The following DPYD variants were observed in gnomAD, a reference collection of about 807,000 sequenced individuals.
The protein encoded by DPYD is dihydropyrimidine dehydrogenase [NADP(+)].
DPYD carries 109 observed loss-of-function variants against 116.2 expected under a neutral mutation model. That is an observed-to-expected ratio of 0.94 (90% CI 0.80 to 1.10). The LOEUF is 1.10. Ranked by LOEUF, DPYD falls within the 50% of genes least tolerant of loss-of-function variation. The probability of loss-of-function intolerance (pLI) is 0.00; values close to 1 mark genes in which losing one functional copy is unlikely to be tolerated. For synonymous variants in DPYD, 440 were observed against 432.0 expected (o/e 1.02, Z -0.23); for missense variants, 1,302 against 1,254.5 (o/e 1.04, Z -0.57).
chr1:97,354,678 T>A (rs1227470942), intron 16 of DPYD, among the ~76,000 whole-genome samples: 3 of 152,132 alleles, frequency 2.0e-5, no homozygotes, highest in Non-Finnish European at 4.4e-5. Flanking sequence ...AGTTCTCAAT[T>A]TAAAAAAATC....
intron 8 of DPYD, among the ~76,000 whole-genome samples, chr1:97,610,566 C>T (rs953104944): frequency 1.3e-5 from 2 of 151,998 alleles, no homozygotes; most frequent in East Asian, 1.9e-4. Flanking sequence ...GCTTCCAGGT[C>T]CTCTATTGAC....
chr1:97,723,669 T>A (rs984831224), intron 4 of DPYD, among the ~76,000 whole-genome samples: 1 of 151,620 alleles, frequency 6.6e-6, no homozygotes, highest in African/African-American at 2.4e-5. Context: ...TTCCCCCAAA[T>A]TGGATCAGAT....
intron 13 of DPYD, among the ~76,000 whole-genome samples, chr1:97,485,717 C>A (rs1201532205): frequency 6.6e-6 from 1 of 151,958 alleles, no homozygotes; most frequent in African/African-American, 2.4e-5. Flanking sequence ...ATATAATTGC[C>A]GATCCTCTGC....
chr1:97,192,216 C>G (rs1658422771), intron 20 of DPYD, among the ~76,000 whole-genome samples: 1 of 152,102 alleles, frequency 6.6e-6, no homozygotes, highest in African/African-American at 2.4e-5. Flanking sequence ...TTCTGAGTCC[C>G]TAACCCAGTC....
At chr1:97,732,594 C>T (rs1167984020) in intron 4 of DPYD, among the ~76,000 whole-genome samples, 1 of 151,930 alleles carries the variant, frequency 6.6e-6, no homozygotes, top group East Asian at 1.9e-4. Context: ...ATCCATCTAT[C>T]CTTTTCACAC....
chr1:97,421,932 T>C (rs899836818), intron 14 of DPYD, among the ~76,000 whole-genome samples: 1 of 152,154 alleles, frequency 6.6e-6, no homozygotes, highest in Admixed American at 6.5e-5. Context: ...TATAAAGCGC[T>C]AGCCCCTGAG....
At chr1:97,760,165 T>C (rs761237323) in intron 3 of DPYD, among the ~76,000 whole-genome samples, 1 of 152,140 alleles carries the variant, frequency 6.6e-6, no homozygotes, top group African/African-American at 2.4e-5. Flanking sequence ...GGATAACAGA[T>C]ACCTGAGAGA....
chr1:97,562,143 C>G (rs761243729), intron 11 of DPYD, among the ~76,000 whole-genome samples: 1 of 152,152 alleles, frequency 6.6e-6, no homozygotes, highest in Non-Finnish European at 1.5e-5. Context: ...GAAGTAACAT[C>G]CCACAAGTAT....
chr1:97,085,528 A>G lies in DPYD; in HGVS notation c.2767-3058T>C, dbSNP rs1649452404. On this transcript the variant is annotated intron_variant, in intron 21 of 22. Coordinates refer to ENST00000370192, the MANE Select transcript of DPYD (RefSeq NM_000110.4). ...TTAAGAAAATTATATTTTTTTCTTT[A>G]TCTGGAAGAGGATAAAAGAATGACA... is the stretch of plus-strand genomic sequence containing the variant. 2.6e-5 allele frequency among the ~76,000 whole-genome samples: 4 copies of G among 152,310 alleles called. 1 individual carries two copies. In the South Asian group the frequency reaches 8.3e-4, roughly 32 times the overall value.
At chr1:97,346,321 T>G (rs1669837909) in intron 16 of DPYD, among the ~76,000 whole-genome samples, 1 of 151,828 alleles carries the variant, frequency 6.6e-6, no homozygotes, top group Admixed American at 6.6e-5. Flanking sequence ...TTACTATATC[T>G]TCTCTTAAGT....
chr1:97,827,381 A>G (rs10157611), intron 3 of DPYD, among the ~76,000 whole-genome samples: 123,987 of 152,034 alleles, frequency 0.82, 50,723 homozygotes, highest in East Asian at 0.98. Context: ...AACTTTTAAG[A>G]CTACTAACAT....
At chr1:97,448,996 T>C (rs1190506974) in intron 14 of DPYD, among the ~76,000 whole-genome samples, 1 of 152,086 alleles carries the variant, frequency 6.6e-6, no homozygotes. Context: ...TCTATGTGCA[T>C]GTATTTTATT....
chr1:97,529,790 T>C (rs1649454508), intron 12 of DPYD, among the ~76,000 whole-genome samples: 1 of 138,302 alleles, frequency 7.2e-6, no homozygotes, highest in South Asian at 2.1e-4. Context: ...TCTCTTTTTC[T>C]TTTTTCCCTT....
rs1329269498 is a variant in DPYD, at chr1:97,519,841, T to A, written c.1525-3900A>T. Among the ~76,000 whole-genome samples, 3 of 152,284 alleles carry A rather than the reference T, an allele frequency of 2.0e-5. No homozygotes were observed. In the East Asian group the frequency reaches 5.8e-4, roughly 29 times the overall value. On this transcript the variant is annotated intron_variant, in intron 12 of 22. Coordinates refer to ENST00000370192, the MANE Select transcript of DPYD (RefSeq NM_000110.4). Reference sequence around the variant, plus strand: ...TTGTGCCTCCCTACCTCTGCACTTTTCACATTCCATCTTTCTTCTCCATCT... The same window carrying A: ...TTGTGCCTCCCTACCTCTGCACTTTACACATTCCATCTTTCTTCTCCATCT...
At chr1:97,289,122 C>G (rs981315716) in intron 18 of DPYD, among the ~76,000 whole-genome samples, 2 of 152,086 alleles carry the variant, frequency 1.3e-5, no homozygotes, top group Non-Finnish European at 2.9e-5. Context: ...ATACACCCTC[C>G]CAAGACTAAA....
intron 19 of DPYD, among the ~76,000 whole-genome samples, chr1:97,220,175 T>C (rs1660689478): frequency 6.6e-6 from 1 of 152,120 alleles, no homozygotes; most frequent in South Asian, 2.1e-4. Flanking sequence ...GCTCTGCCCT[T>C]ATGAATGGAT....
chr1:97,635,707 A>G (rs1657520387), intron 8 of DPYD, among the ~76,000 whole-genome samples: 1 of 152,160 alleles, frequency 6.6e-6, no homozygotes, highest in African/African-American at 2.4e-5. Flanking sequence ...CAAACAATTT[A>G]AAAGGAAAGA....
At chr1:97,214,193 A>G (rs1054284812) in intron 19 of DPYD, among the ~76,000 whole-genome samples, 21 of 152,132 alleles carry the variant, frequency 1.4e-4, no homozygotes, top group African/African-American at 5.1e-4. Context: ...GAGACCATCC[A>G]ACTTAGCCTT....
At chr1:97,646,012 C>T (rs1409027077) in intron 8 of DPYD, among the ~76,000 whole-genome samples, 1 of 152,030 alleles carries the variant, frequency 6.6e-6, no homozygotes, top group Non-Finnish European at 1.5e-5. Context: ...AATATTTTCT[C>T]TTCAGTATGA....
Sources: gnomAD v4.1 joint callset for allele counts (sites outside exome capture counted in the v4.1 genomes callset) on GRCh38, gnomAD v4.1.1 for gene constraint, MANE v1.5 for transcripts, NCBI Gene and HGNC (gene_info 2026-07-23, HGNC 2026-07-21) for gene names.